The following STARD9 variants were observed in gnomAD, a reference collection of about 807,000 sequenced individuals.
STARD9 encodes the protein StAR related lipid transfer domain containing 9.
In STARD9, 346 loss-of-function variants were observed where a neutral mutation model predicts 399.8. The observed-to-expected ratio is 0.87, with a 90% CI of 0.79 to 0.95. The LOEUF is 0.95. Among genes scored for constraint, STARD9 ranks in the 40% least tolerant of loss-of-function variants. STARD9 has a pLI of 0.00. For missense variants in STARD9, 5,832 were observed against 5,667.5 expected (o/e 1.03, Z -0.93); for synonymous variants, 2,203 against 2,143.5 (o/e 1.03, Z -0.77).
chr15:42,708,727 G>C (rs1390201791), intron 26 of STARD9, among the ~76,000 whole-genome samples: 2 of 151,054 alleles, frequency 1.3e-5, no homozygotes, highest in African/African-American at 2.4e-5. Context: ...AACAAGGTTT[G>C]AGAGAGGCAC....
In STARD9 at chr15:42,695,124, C is replaced by G; in HGVS notation, c.12963-16C>G. On this transcript the variant is annotated splice_polypyrimidine_tract_variant and intron_variant, in intron 24 of 32. Coordinates refer to ENST00000290607, the MANE Select transcript of STARD9 (RefSeq NM_020759.3). ...ACCCACCCACCATGTTCTTTCCACC[C>G]CGTGATCTTCCTCAGGAGCCCAGAG... The G allele has an allele frequency of 6.6e-7, 1 of 1,514,618 alleles. No homozygotes were observed. Among genetic ancestry groups the G allele is most frequent in the Non-Finnish European group, 8.8e-7 (1 of 1,132,344 alleles). The allele number at this position is 1,514,618 out of a possible 1,614,324, so 93.8% of individuals were successfully genotyped here.
At chr15:42,585,701 T>A in intron 3 of STARD9, 64 bp downstream of exon 3, 2 of 1,059,440 alleles carry the variant, frequency 1.9e-6, no homozygotes, top group South Asian at 2.8e-5. Flanking sequence ...TTTAAGATGT[T>A]TATTATAAAG....
intron 9 of STARD9, among the ~76,000 whole-genome samples, chr15:42,656,241 C>T (rs996730590): frequency 5.6e-5 from 8 of 143,654 alleles, no homozygotes; most frequent in Non-Finnish European, 1.0e-4. Context: ...CAGCTACTCA[C>T]GAGGCTGAAG....
rs977475982 is a variant in STARD9, at chr15:42,686,850, G to C, written c.5272G>C (p.Glu1758Gln). 2.0e-6 allele frequency: 3 copies of C among 1,537,108 alleles called. No homozygotes were observed. The highest frequency in any genetic ancestry group is 2.7e-5 in the African/African-American group (2 of 73,158). The change falls in exon 23 of 33, where the codon GAA (glutamate) becomes CAA (glutamine). Residue 1758 changes from glutamate to glutamine, a missense_variant. Around this residue, in one of 2 missense-constraint regions of STARD9, gnomAD observed 5,828 missense variants for 5,651.1 expected, o/e 1.03. Transcript: ENST00000290607. ...GACCAAAAGCAGGGATGCCCTGACA[G>C]AAACTGCCTTAGAGATTCCAGCTTG... is the stretch of plus-strand genomic sequence containing the variant. The part of the protein sequence containing the change: ...YVTKSRDALT[E>Q]TALEIPACRE...
At position 42,674,824 on chromosome 15, in the gene STARD9, T is replaced by C. The variant is rs1207164403; in HGVS notation, c.1550-3T>C. On this transcript the variant is annotated splice_polypyrimidine_tract_variant and splice_region_variant and intron_variant, in intron 17 of 32. Transcript: ENST00000290607. Reference sequence around the variant, plus strand: ...ACCCAAGTGACCACCACCTCTTTTGTAGTCCTGCAGGGTCAGTGGATTGAG... The same window carrying C: ...ACCCAAGTGACCACCACCTCTTTTGCAGTCCTGCAGGGTCAGTGGATTGAG... 6.6e-7 allele frequency: 1 copy of C among 1,522,294 alleles called. No individual in the cohort carries two copies. The highest frequency in any genetic ancestry group is 1.4e-5 in the African/African-American group (1 of 72,564). 94.3% of individuals were successfully genotyped at this position (1,522,294 alleles called of 1,614,324 possible).
chr15:42,646,086 A>G (rs1006354548), intron 7 of STARD9, among the ~76,000 whole-genome samples: 1 of 152,112 alleles, frequency 6.6e-6, no homozygotes, highest in Non-Finnish European at 1.5e-5. Context: ...ACTTGAACCC[A>G]GAAGGCAGAG....
Position 42,575,751 on chromosome 15 carries a change from G to C in STARD9, c.36G>C (p.Pro12=). ...ANVQVAVRVR[P]LSKRETKEGG... ...TGCAGGTCGCCGTGCGGGTCCGGCC[G>C]CTCAGCAAGAGGTGAGTCTCCGCGG... The change falls in exon 1 of 33, where the codon CCG becomes CCC. Residue 12 remains proline, a synonymous_variant. Transcript: ENST00000290607. 6.5e-7 allele frequency: 1 copy of C among 1,536,886 alleles called. No individual in the cohort carries two copies. The highest frequency in any genetic ancestry group is 1.2e-5 in the South Asian group (1 of 84,060).
At chr15:42,716,619 G>T in intron 26 of STARD9, 58 bp from the exon 27 acceptor site, 1 of 1,083,130 alleles carries the variant, frequency 9.2e-7, no homozygotes, top group Non-Finnish European at 1.4e-6. Context: ...TTCAGAGGCA[G>T]AGGAGATAAT....
At chr15:42,695,957 C>T (rs2060838208) in intron 26 of STARD9, 77 bp downstream of exon 26, 1 of 1,452,666 alleles carries the variant, frequency 6.9e-7, no homozygotes, top group East Asian at 2.5e-5. Flanking sequence ...GCTGTGCCTC[C>T]TGGAGTTTGG....
intron 1 of STARD9, among the ~76,000 whole-genome samples, chr15:42,578,565 GTAGGC>G (rs2058103475): frequency 6.6e-6 from 1 of 151,372 alleles, no homozygotes; most frequent in African/African-American, 2.4e-5. Flanking sequence ...TGCCAATACT[GTAGGC>G]TCTAGAAGAC....
At chr15:42,705,875 G>A (rs1273984596) in intron 26 of STARD9, among the ~76,000 whole-genome samples, 1 of 151,900 alleles carries the variant, frequency 6.6e-6, no homozygotes, top group Non-Finnish European at 1.5e-5. Context: ...GTCTCAGCCT[G>A]CTGAGTAGCT....
intron 14 of STARD9, 44 bp from the exon 15 acceptor site, chr15:42,665,742 T>A (rs1263974488): frequency 6.6e-7 from 1 of 1,515,446 alleles, no homozygotes; most frequent in Non-Finnish European, 8.9e-7. Flanking sequence ...CTACCTGAAG[T>A]TCAGACCAGG....
intron 4 of STARD9, among the ~76,000 whole-genome samples, chr15:42,636,127 T>C (rs1386700612): frequency 6.6e-6 from 1 of 152,074 alleles, no homozygotes; most frequent in Non-Finnish European, 1.5e-5. Context: ...GGAGACTCCA[T>C]CTCTACAAAA....
intron 7 of STARD9, among the ~76,000 whole-genome samples, chr15:42,644,109 T>C (rs2059599069): frequency 6.6e-6 from 1 of 152,206 alleles, no homozygotes; most frequent in Non-Finnish European, 1.5e-5. Flanking sequence ...AAAATCAAAA[T>C]AAAAACACAA....
chr15:42,601,483 G>A (rs528824281), intron 3 of STARD9, among the ~76,000 whole-genome samples: 5 of 150,704 alleles, frequency 3.3e-5, no homozygotes, highest in East Asian at 2.0e-4. Context: ...GGCGGCGGCC[G>A]GGCGGGGGCT....
intron 15 of STARD9, among the ~76,000 whole-genome samples, chr15:42,667,818 T>G (rs1246325840): frequency 6.6e-6 from 1 of 152,192 alleles, no homozygotes; most frequent in African/African-American, 2.4e-5. Context: ...ACGTTTCAAT[T>G]TCCAATATTC....
chr15:42,716,528 T>C, intron 26 of STARD9, 149 bp from the exon 27 acceptor site: 1 of 609,192 alleles, frequency 1.6e-6, no homozygotes, highest in East Asian at 2.8e-5. Flanking sequence ...TGGTCTTCTT[T>C]GGGGGACATC....
At chr15:42,683,696 G>T (rs771305918) in intron 22 of STARD9, among the ~76,000 whole-genome samples, 14 of 151,690 alleles carry the variant, frequency 9.2e-5, no homozygotes, top group Non-Finnish European at 1.2e-4. Flanking sequence ...TTGTTTCTCA[G>T]GTTTCTTTTA....
intron 7 of STARD9, among the ~76,000 whole-genome samples, chr15:42,649,264 A>G (rs1338795233): frequency 1.3e-5 from 2 of 151,812 alleles, no homozygotes; most frequent in Non-Finnish European, 2.9e-5. Context: ...TCCTGACCTC[A>G]TGATCCACCC....
Sources: gnomAD v4.1 joint callset for allele counts (sites outside exome capture counted in the v4.1 genomes callset) on GRCh38, gnomAD v4.1.1 for gene constraint, gnomAD v4.1.1 regional missense constraint, MANE v1.5 for transcripts, NCBI Gene and HGNC (gene_info 2026-07-23, HGNC 2026-07-21) for gene names.